UBE2E2: variants seen among roughly 807,000 people sequenced by gnomAD.
UBE2E2 encodes the protein ubiquitin-conjugating enzyme E2 E2.
UBE2E2 carries 6 observed loss-of-function variants against 24.7 expected under a neutral mutation model. The observed-to-expected ratio is 0.24, with a 90% CI of 0.13 to 0.48. UBE2E2 has a LOEUF of 0.48. UBE2E2 is among the 20% of genes least tolerant of loss of function. UBE2E2 has a pLI of 0.99. For missense variants in UBE2E2, 169 were observed against 245.0 expected (o/e 0.69, Z 2.07); for synonymous variants, 104 against 83.6 (o/e 1.24, Z -1.33).
chr3:23,543,722 A>G (rs971945270), intron 5 of UBE2E2, among the ~76,000 whole-genome samples: 2 of 152,204 alleles, frequency 1.3e-5, no homozygotes, highest in Non-Finnish European at 2.9e-5. Context: ...AGACAGTCCT[A>G]AAATTCATAT....
At chr3:23,582,409 A>G (rs1344515435) in intron 5 of UBE2E2, among the ~76,000 whole-genome samples, 1 of 152,148 alleles carries the variant, frequency 6.6e-6, no homozygotes, top group African/African-American at 2.4e-5. Flanking sequence ...ATTCCTTTGG[A>G]TATACCCCGT....
chr3:23,546,149 A>G (rs905373415), intron 5 of UBE2E2, among the ~76,000 whole-genome samples: 1 of 152,226 alleles, frequency 6.6e-6, no homozygotes, highest in Non-Finnish European at 1.5e-5. Context: ...CCCTAACACT[A>G]TTGAAATAAA....
intron 3 of UBE2E2, among the ~76,000 whole-genome samples, chr3:23,485,144 G>T (rs1200011284): frequency 6.9e-6 from 1 of 145,202 alleles, no homozygotes; most frequent in African/African-American, 2.6e-5. Context: ...ACCCAAGCTG[G>T]AGTGCAGTGG....
At chr3:23,571,283 T>C (rs1215784825) in intron 5 of UBE2E2, among the ~76,000 whole-genome samples, 3 of 75,182 alleles carry the variant, frequency 4.0e-5, no homozygotes, top group Admixed American at 1.6e-4. Flanking sequence ...CTCCTTTCTT[T>C]TTTTTTTTTT....
intron 3 of UBE2E2, among the ~76,000 whole-genome samples, chr3:23,367,077 C>G (rs1430277604): frequency 6.6e-6 from 1 of 152,078 alleles, no homozygotes; most frequent in Non-Finnish European, 1.5e-5. Context: ...TTTTGATTTT[C>G]TCATCAGGGC....
intron 3 of UBE2E2, among the ~76,000 whole-genome samples, chr3:23,279,059 G>C (rs1698432171): frequency 6.6e-6 from 1 of 152,008 alleles, no homozygotes; most frequent in South Asian, 2.1e-4. Context: ...ATGTTTTAAA[G>C]GTAAAAAGTT....
chr3:23,357,942 C>T (rs1386698894), intron 3 of UBE2E2, among the ~76,000 whole-genome samples: 1 of 152,182 alleles, frequency 6.6e-6, no homozygotes, highest in Non-Finnish European at 1.5e-5. Flanking sequence ...CAAGCGTGAT[C>T]CTTCTACCTC....
chr3:23,217,611 A>G (rs1696513156), intron 3 of UBE2E2, among the ~76,000 whole-genome samples: 1 of 152,044 alleles, frequency 6.6e-6, no homozygotes, highest in Non-Finnish European at 1.5e-5. Flanking sequence ...AAGAGGTGTT[A>G]GGGCCTTAAG....
At chr3:23,378,140 C>G (rs1375937066) in intron 3 of UBE2E2, among the ~76,000 whole-genome samples, 1 of 142,596 alleles carries the variant, frequency 7.0e-6, no homozygotes, top group African/African-American at 2.6e-5. Flanking sequence ...AATAAAAATA[C>G]AAACTGAGCT....
At chr3:23,254,237 C>G (rs1205792709) in intron 3 of UBE2E2, among the ~76,000 whole-genome samples, 1 of 152,180 alleles carries the variant, frequency 6.6e-6, no homozygotes, top group Admixed American at 6.5e-5. Context: ...ATTTTTGCAT[C>G]TAATTAGACC....
At chr3:23,388,393 T>C (rs1328960154) in intron 3 of UBE2E2, among the ~76,000 whole-genome samples, 1 of 152,220 alleles carries the variant, frequency 6.6e-6, no homozygotes, top group Non-Finnish European at 1.5e-5. Flanking sequence ...CTCTTACATC[T>C]CTGTTCATAA....
intron 4 of UBE2E2, among the ~76,000 whole-genome samples, chr3:23,501,699 T>C (rs956018325): frequency 6.6e-6 from 1 of 152,090 alleles, no homozygotes; most frequent in Non-Finnish European, 1.5e-5. Flanking sequence ...AGCAGGAGGG[T>C]GTCAGTTACC....
intron 3 of UBE2E2, among the ~76,000 whole-genome samples, chr3:23,353,183 C>T (rs1276622921): frequency 6.6e-6 from 1 of 152,208 alleles, no homozygotes; most frequent in East Asian, 1.9e-4. Flanking sequence ...CAAAATTCAA[C>T]AACACTTCAT....
intron 3 of UBE2E2, among the ~76,000 whole-genome samples, chr3:23,456,978 C>G: frequency 6.6e-6 from 1 of 152,160 alleles, no homozygotes; most frequent in Non-Finnish European, 1.5e-5. Flanking sequence ...GATGACAGTC[C>G]ATTTACCATA....
At chr3:23,394,297 T>C (rs1156628866) in intron 3 of UBE2E2, among the ~76,000 whole-genome samples, 2 of 152,236 alleles carry the variant, frequency 1.3e-5, no homozygotes, top group East Asian at 3.8e-4. Flanking sequence ...TATACAGTGA[T>C]GTTTTATCAA....
intron 3 of UBE2E2, among the ~76,000 whole-genome samples, chr3:23,404,769 A>G (rs369596883): frequency 1.3e-5 from 2 of 152,212 alleles, no homozygotes; most frequent in East Asian, 1.9e-4. Flanking sequence ...ATATTTGCCA[A>G]TGTATGTCTG....
intron 3 of UBE2E2, among the ~76,000 whole-genome samples, chr3:23,325,903 A>T (rs937141222): frequency 2.0e-5 from 3 of 152,204 alleles, no homozygotes; most frequent in African/African-American, 7.2e-5. Flanking sequence ...GATGAGTGAT[A>T]TAGTCACACT....
intron 3 of UBE2E2, among the ~76,000 whole-genome samples, chr3:23,394,643 T>A (rs2125364399): frequency 6.6e-6 from 1 of 152,294 alleles, no homozygotes; most frequent in African/African-American, 2.4e-5. Flanking sequence ...TAATCCTCAG[T>A]CATTCGCTAA....
rs960846361 is a variant in UBE2E2 at position 23,439,004 on chromosome 3, T to C, written c.228-60604T>C. Among the ~76,000 whole-genome samples the C allele has an allele frequency of 4.6e-5, 7 of 152,332 alleles. No individual in the cohort carries two copies. The Middle Eastern group carries it at 0.01, about 222-fold the overall frequency. ...TGTTGTCTTTATTTTAAGGAAGGCA[T>C]GAATATTGTTAGATTTGCCCCTAAG... On this transcript the variant is annotated intron_variant, in intron 3 of 5. Coordinates refer to ENST00000396703, the MANE Select transcript of UBE2E2 (RefSeq NM_152653.4).
Sources: allele counts gnomAD v4.1 joint callset (sites outside exome capture counted in the v4.1 genomes callset), GRCh38; gene constraint gnomAD v4.1.1; transcripts MANE v1.5; gene names NCBI Gene and HGNC (gene_info 2026-07-23, HGNC 2026-07-21).